The following HMCN1 variants were observed in gnomAD, a reference collection of about 807,000 sequenced individuals.
HMCN1 encodes hemicentin 1.
Under a neutral mutation model 625.9 loss-of-function variants are expected in HMCN1, and 321 were observed. The ratio of observed to expected loss-of-function variants is 0.51; its 90% confidence interval spans 0.47 to 0.56. HMCN1 has a LOEUF of 0.56. Among genes scored for constraint, HMCN1 ranks in the 20% least tolerant of loss-of-function variants. The probability of loss-of-function intolerance (pLI) is 0.00; values close to 1 mark genes in which losing one functional copy is unlikely to be tolerated. For missense variants in HMCN1, 6,588 were observed against 6,887.3 expected (o/e 0.96, Z 1.54); for synonymous variants, 2,425 against 2,417.6 (o/e 1.00, Z -0.09).
At chr1:186,131,730 C>G (rs538240053) in intron 85 of HMCN1, among the ~76,000 whole-genome samples, 1 of 152,060 alleles carries the variant, frequency 6.6e-6, no homozygotes, top group African/African-American at 2.4e-5. Context: ...CTCTAGTCAC[C>G]AAATTGAAAT....
At chr1:186,051,263 A>T (rs1042419369) in intron 42 of HMCN1, among the ~76,000 whole-genome samples, 1 of 152,120 alleles carries the variant, frequency 6.6e-6, no homozygotes, top group African/African-American at 2.4e-5. Context: ...GAAAGCAGAC[A>T]TATTTAATAA....
chr1:185,772,865 T>G (rs762502058), intron 1 of HMCN1, among the ~76,000 whole-genome samples: 7 of 152,174 alleles, frequency 4.6e-5, no homozygotes, highest in Non-Finnish European at 8.8e-5. Flanking sequence ...AAGGTGGAAG[T>G]GCCCACAGAG....
At chr1:185,902,946 G>GA (rs1004214710) in intron 4 of HMCN1, among the ~76,000 whole-genome samples, 20 of 138,540 alleles carry the variant, frequency 1.4e-4, no homozygotes, top group South Asian at 4.5e-4. Context: ...AGTAGAAGAA[G>GA]AAAAAAAAAA....
intron 5 of HMCN1, among the ~76,000 whole-genome samples, chr1:185,910,510 A>G (rs1177798809): frequency 6.6e-6 from 1 of 152,044 alleles, no homozygotes; most frequent in African/African-American, 2.4e-5. Flanking sequence ...CACTGGGCAT[A>G]CAATGATTGT....
At chr1:186,076,200 C>A (rs1271596572) in intron 53 of HMCN1, among the ~76,000 whole-genome samples, 3 of 152,138 alleles carry the variant, frequency 2.0e-5, no homozygotes, top group Admixed American at 6.6e-5. Context: ...AAAGCATAAA[C>A]ACAGCATTCT....
At chr1:185,858,304 T>C (rs1662600828) in intron 2 of HMCN1, among the ~76,000 whole-genome samples, 1 of 152,210 alleles carries the variant, frequency 6.6e-6, no homozygotes, top group Admixed American at 6.5e-5. Flanking sequence ...TCTATAGATT[T>C]AAGTTCTTCA....
At chr1:185,923,365 T>C (rs751768826) in intron 7 of HMCN1, 25 bp from the exon 8 acceptor site, 8 of 1,578,748 alleles carry the variant, frequency 5.1e-6, no homozygotes, top group Non-Finnish European at 6.1e-6. Flanking sequence ...TTCTTGTAAA[T>C]GATAACAAAA....
At position 185,952,350 on chromosome 1, in the gene HMCN1, AGC is replaced by A. The variant is rs1267704602; in HGVS notation, c.1829-10167_1829-10166del. Among the ~76,000 whole-genome samples, 193 of 151,604 alleles carry A rather than the reference AGC, an allele frequency of 1.3e-3. 4 individuals are homozygous for A. Among genetic ancestry groups the A allele is most frequent in the African/African-American group, 4.3e-3 (177 of 41,116 alleles). ...TGGGACCTAGCTCGGCCTGGAGAGG[AGC>A]AGCCTGGGGAGGAAGGGAGAGGTCA... On this transcript the variant is annotated intron_variant, in intron 11 of 106. Coordinates refer to ENST00000271588, the MANE Select transcript of HMCN1 (RefSeq NM_031935.3).
rs749300263 is a variant in HMCN1 at position 186,095,468 on chromosome 1, T to C, written c.10520T>C (p.Ile3507Thr). Residue 3507 changes from isoleucine (I) to threonine (T), a missense_variant, in exon 68 of 107, where the codon ATT becomes ACT. Ile to Thr is a moderately conservative substitution (Grantham distance 89, BLOSUM62 -1). Transcript: ENST00000271588. ...GAAGATTCGGGAAAGTACACCTGCA[T>C]TGCCTCAAATGAAGCTGGAGAAGTC... The part of the protein sequence containing the change: ...ETEDSGKYTC[I>T]ASNEAGEVSK... 22 of 1,613,560 alleles carry C rather than the reference T, an allele frequency of 1.4e-5. No individual in the cohort carries two copies. The highest frequency in any genetic ancestry group is 1.9e-5 in the Non-Finnish European group (22 of 1,179,742).
rs138551778 is a variant in HMCN1 at position 186,021,454 on chromosome 1, C to T, written c.5626-1576C>T. Among the ~76,000 whole-genome samples the T allele has an allele frequency of 8.4e-4, 128 of 151,930 alleles. 3 individuals are homozygous for T. The East Asian group carries it at 0.024, about 28-fold the overall frequency. On this transcript the variant is annotated intron_variant, in intron 35 of 106. Coordinates refer to ENST00000271588, the MANE Select transcript of HMCN1 (RefSeq NM_031935.3). ...CTGGCTGGACATATTGGCACATTAA[C>T]AATATTTGAAACCATGGGCATGGAT...
intron 97 of HMCN1, among the ~76,000 whole-genome samples, chr1:186,163,767 A>G (rs1320029509): frequency 6.6e-6 from 1 of 152,200 alleles, no homozygotes. Flanking sequence ...ATCATCTTGC[A>G]AGACTGTCTC....
chr1:185,777,835 C>G (rs950547460), intron 1 of HMCN1, among the ~76,000 whole-genome samples: 1 of 152,214 alleles, frequency 6.6e-6, no homozygotes, highest in Non-Finnish European at 1.5e-5. Flanking sequence ...TGAAATCTTG[C>G]TTCCATCCTT....
chr1:186,018,341 T>A lies in HMCN1; in HGVS notation c.5459T>A (p.Val1820Glu). 1 of 1,612,614 alleles carries A rather than the reference T, an allele frequency of 6.2e-7. No homozygotes were observed. Among genetic ancestry groups the A allele is most frequent in the Non-Finnish European group, 8.5e-7 (1 of 1,178,888 alleles). Residue 1820 changes from valine to glutamate, a missense_variant, in exon 34 of 107, where the codon GTG becomes GAG. By Grantham distance (121) the Val-to-Glu change is moderately radical. Coordinates refer to ENST00000271588, the MANE Select transcript of HMCN1 (RefSeq NM_031935.3). ...GGAGACCACAAGAAGGAATTTGAAG[T>A]GACTGTTCATGGTATGCTGAAGAAG... ...TAGDHKKEFE[V>E]TVHVPPTIKS...
chr1:185,997,473 T>G lies in HMCN1; in HGVS notation c.3823T>G (p.Phe1275Val). The G allele has an allele frequency of 6.2e-7, 1 of 1,612,918 alleles. No individual in the cohort carries two copies. The highest frequency in any genetic ancestry group is 8.5e-7 in the Non-Finnish European group (1 of 1,179,332). Residue 1275 changes from phenylalanine to valine, a missense_variant, in exon 25 of 107, where the codon TTC (phenylalanine) becomes GTC (valine). Physicochemically the swap from Phe to Val is conservative, Grantham distance 50. Transcript: ENST00000271588. ...EDLEPPYNTT[F>V]QERVANQRIE... ...TCTAGAACCTCCATATAACACTACT[T>G]TCCAAGAAAGAGTGGCCAATCAACG...
intron 23 of HMCN1, 40 bp from the exon 24 acceptor site, chr1:185,994,775 T>C (rs762697961): frequency 1.9e-6 from 3 of 1,592,792 alleles, no homozygotes; most frequent in Non-Finnish European, 2.6e-6. Context: ...GAAAGGAATT[T>C]GTGAAAGTTG....
At chr1:186,114,628 T>C (rs1400201678) in intron 73 of HMCN1, among the ~76,000 whole-genome samples, 191 bp from the exon 74 acceptor site, 1 of 152,182 alleles carries the variant, frequency 6.6e-6, no homozygotes, top group Non-Finnish European at 1.5e-5. Flanking sequence ...CCATTAAAGA[T>C]CACAAGCCCA....
intron 55 of HMCN1, among the ~76,000 whole-genome samples, chr1:186,079,677 AG>A (rs1177471558): frequency 2.0e-5 from 3 of 152,188 alleles, no homozygotes; most frequent in Non-Finnish European, 4.4e-5. Context: ...TTGATAATAT[AG>A]GTAGGGAAAG....
At chr1:186,044,545 G>C (rs969497112) in intron 40 of HMCN1, among the ~76,000 whole-genome samples, 4 of 152,132 alleles carry the variant, frequency 2.6e-5, no homozygotes, top group Admixed American at 1.3e-4. Context: ...ACATGCTGGT[G>C]AAGTATCAAG....
intron 27 of HMCN1, 60 bp downstream of exon 27, chr1:186,001,488 C>G (rs2102068022): frequency 6.2e-7 from 1 of 1,600,328 alleles, no homozygotes; most frequent in African/African-American, 1.3e-5. Context: ...GTAGGTTGTT[C>G]AGATGTTCAT....
Sources: allele counts gnomAD v4.1 joint callset (sites outside exome capture counted in the v4.1 genomes callset), GRCh38; gene constraint gnomAD v4.1.1; transcripts MANE v1.5; gene names NCBI Gene and HGNC (gene_info 2026-07-23, HGNC 2026-07-21).